Variants in OPA1 observed in about 807,000 individuals in gnomAD.
The protein encoded by OPA1 is dynamin-like GTPase OPA1, mitochondrial.
OPA1 carries 59 observed loss-of-function variants against 152.9 expected under a neutral mutation model. The ratio of observed to expected loss-of-function variants is 0.39; its 90% CI spans 0.31 to 0.48. OPA1 has a LOEUF of 0.48. Ranked by LOEUF, OPA1 falls within the 20% of genes least tolerant of loss-of-function variation. The pLI, the probability that OPA1 is intolerant of heterozygous loss-of-function variation, is 0.96. For missense variants in OPA1, 1,008 were observed against 1,216.8 expected (o/e 0.83, Z 2.55); for synonymous variants, 400 against 389.9 (o/e 1.03, Z -0.31).
At chr3:193,635,671 A>T in intron 9 of OPA1, 149 bp downstream of exon 9, 1 of 620,956 alleles carries the variant, frequency 1.6e-6, no homozygotes, top group South Asian at 1.9e-5. Context: ...CTCTTCCTAT[A>T]TTAAGACATT....
chr3:193,593,303 G>A lies in OPA1; in HGVS notation c.-75G>A. On this transcript the variant is annotated 5_prime_UTR_variant, in exon 1 of 31. Coordinates refer to ENST00000361510, the MANE Select transcript of OPA1 (RefSeq NM_130837.3). ...CCACTTCCTGGGTCATTCCTGGACC[G>A]GGAGCCGGGCTGGGGCTCACACGGG... 1 of 1,470,452 alleles carries A rather than the reference G, an allele frequency of 6.8e-7. No homozygotes were observed. Among genetic ancestry groups the A allele is most frequent in the African/African-American group, 1.4e-5 (1 of 70,464 alleles). 91.1% of individuals were successfully genotyped at this position (1,470,452 alleles called of 1,614,324 possible). A position where few individuals can be genotyped will look rare whatever the true frequency, so the allele number is the denominator to read the frequency against.
intron 6 of OPA1, among the ~76,000 whole-genome samples, chr3:193,622,714 C>G (rs879287499): frequency 6.6e-6 from 1 of 152,188 alleles, no homozygotes; most frequent in Non-Finnish European, 1.5e-5. Flanking sequence ...ATATGAAACA[C>G]TATTTACTTT....
chr3:193,663,244 G>A (rs558684955), intron 26 of OPA1, among the ~76,000 whole-genome samples: 191 of 152,186 alleles, frequency 1.3e-3, no homozygotes, highest in African/African-American at 4.4e-3. Flanking sequence ...GGATGAAACC[G>A]ACCTAGACCT....
At chr3:193,684,512 A>G (rs1291638258) in intron 29 of OPA1, among the ~76,000 whole-genome samples, 6 of 139,056 alleles carry the variant, frequency 4.3e-5, no homozygotes, top group Non-Finnish European at 9.0e-5. Context: ...GTGCAGTGGC[A>G]TGATCTTGGC....
chr3:193,593,586 C>T (rs1353558656), intron 1 of OPA1, among the ~76,000 whole-genome samples, 177 bp downstream of exon 1: 1 of 152,214 alleles, frequency 6.6e-6, no homozygotes. Flanking sequence ...GGCTTACGTT[C>T]GGAGCCGGCT....
At chr3:193,631,836 C>G in intron 8 of OPA1, 171 bp downstream of exon 8, 2 of 649,436 alleles carry the variant, frequency 3.1e-6, no homozygotes, top group Non-Finnish European at 5.5e-6. Flanking sequence ...GGAATAAAGA[C>G]AGAACTAGAT....
chr3:193,621,426 G>T (rs1226639310), intron 6 of OPA1, among the ~76,000 whole-genome samples: 1 of 152,166 alleles, frequency 6.6e-6, no homozygotes, highest in Non-Finnish European at 1.5e-5. Context: ...GGAGTTTTAG[G>T]TGTCCTGGAA....
intron 8 of OPA1, among the ~76,000 whole-genome samples, chr3:193,634,133 A>G (rs886204354): frequency 6.6e-5 from 10 of 152,104 alleles, no homozygotes; most frequent in African/African-American, 2.4e-4. Flanking sequence ...TAAGTTGGAC[A>G]TAAACATTCT....
chr3:193,657,412 A>C (rs1714124688), intron 23 of OPA1, among the ~76,000 whole-genome samples, 180 bp downstream of exon 23: 1 of 152,136 alleles, frequency 6.6e-6, no homozygotes, highest in Non-Finnish European at 1.5e-5. Context: ...TTCTAAAATC[A>C]CCTGTTGCTG....
chr3:193,642,978 G>A lies in OPA1; in HGVS notation c.1234G>A (p.Ala412Thr), dbSNP rs190223702. 11 of 1,613,322 alleles carry A rather than the reference G, an allele frequency of 6.8e-6. No homozygotes were observed. The East Asian group carries it at 2.0e-4, about 29-fold the overall frequency. Residue 412 changes from alanine to threonine, a missense_variant, in exon 13 of 31, where the codon GCA (alanine) becomes ACA (threonine). By Grantham distance (58) the Ala-to-Thr change is moderately conservative (BLOSUM62 0). Around this residue, in one of 7 missense-constraint regions of OPA1, gnomAD observed 213 missense variants for 291.4 expected, o/e 0.73. Coordinates refer to ENST00000361510, the MANE Select transcript of OPA1 (RefSeq NM_130837.3). ...EFDLTKEEDL[A>T]ALRHEIELRM... ...AGGATTTTGTGTTTTCCATTAGCTT[G>A]CAGCATTAAGACATGAAATAGAACT...
intron 11 of OPA1, among the ~76,000 whole-genome samples, chr3:193,638,768 C>A (rs1733317048): frequency 6.6e-6 from 1 of 152,130 alleles, no homozygotes; most frequent in Admixed American, 6.5e-5. Flanking sequence ...TTGAAAATTA[C>A]TATATTTTGT....
In OPA1 at chr3:193,667,436, C is replaced by T. The variant is rs112419254; in HGVS notation, c.2983+156C>T. On this transcript the variant is annotated intron_variant, in intron 29 of 30. Coordinates refer to ENST00000361510, the MANE Select transcript of OPA1 (RefSeq NM_130837.3). ...TTGTAATCCCAGCACTTTGGGAGGC[C>T]AAGATGGGTGGAAAACAAGGTCAGA... 16 of 675,244 alleles carry T rather than the reference C, an allele frequency of 2.4e-5. 1 individual carries two copies. Among genetic ancestry groups the T allele is most frequent in the African/African-American group, 2.1e-4 (12 of 56,290 alleles). The allele number at this position is 675,244 out of a possible 1,614,324, so 41.8% of individuals were successfully genotyped here. A position where few individuals can be genotyped will look rare whatever the true frequency, so the allele number is the denominator to read the frequency against.
chr3:193,642,625 T>TCA, intron 11 of OPA1, 140 bp from the exon 12 acceptor site: 1 of 690,146 alleles, frequency 1.4e-6, no homozygotes, highest in South Asian at 1.6e-5. Flanking sequence ...GTTGACAGCT[T>TCA]CAGGGGGTGC....
rs570972720 is a variant in OPA1 at position 193,644,197 on chromosome 3, C to A, written c.1608+92C>A. On this transcript the variant is annotated intron_variant, in intron 16 of 30. Transcript: ENST00000361510. ...TTATTTAAAAAAACAACAACAACAA[C>A]AAAAAAACACCTTACAACTAAGATT... 2.7e-4 allele frequency: 364 copies of A among 1,364,108 alleles called. No individual in the cohort carries two copies. In the African/African-American group the frequency reaches 3.1e-3, roughly 12 times the overall value. 84.5% of individuals were successfully genotyped at this position (1,364,108 alleles called of 1,614,324 possible).
chr3:193,601,224 C>G (rs567634679), intron 1 of OPA1, among the ~76,000 whole-genome samples: 1 of 152,046 alleles, frequency 6.6e-6, no homozygotes, highest in African/African-American at 2.4e-5. Context: ...AGTGAGCCCC[C>G]AGGAACCCCA....
At chr3:193,644,316 A>T (rs971986775) in intron 16 of OPA1, among the ~76,000 whole-genome samples, 1 of 152,310 alleles carries the variant, frequency 6.6e-6, no homozygotes, top group Middle Eastern at 3.4e-3. Flanking sequence ...CCACTAGTTC[A>T]TTCCCAGTAG....
chr3:193,609,552 TTC>T (rs1727852953), intron 1 of OPA1, among the ~76,000 whole-genome samples: 2 of 152,170 alleles, frequency 1.3e-5, no homozygotes, highest in Non-Finnish European at 2.9e-5. Flanking sequence ...CTTTGTGGCA[TTC>T]TCTGTGTTTC....
At position 193,593,358 on chromosome 3, in the gene OPA1, G is replaced by C; in HGVS notation, c.-20G>C. ...CCCGCGTGGCCGTCTCGGCGCCTGC[G>C]TGACCTCCCCGCCGGCGGGATGTGG... On this transcript the variant is annotated 5_prime_UTR_variant, in exon 1 of 31. Transcript: ENST00000361510. 1.3e-6 allele frequency: 2 copies of C among 1,544,118 alleles called. No individual in the cohort carries two copies. Among genetic ancestry groups the C allele is most frequent in the Non-Finnish European group, 1.7e-6 (2 of 1,143,600 alleles).
intron 6 of OPA1, among the ~76,000 whole-genome samples, chr3:193,625,701 A>G (rs761056878): frequency 2.6e-5 from 4 of 151,918 alleles, no homozygotes; most frequent in South Asian, 2.1e-4. Context: ...TAAGTAAGCT[A>G]TTATGATCTT....
Sources: gnomAD v4.1 joint callset for allele counts (sites outside exome capture counted in the v4.1 genomes callset) on GRCh38, gnomAD v4.1.1 for gene constraint, gnomAD v4.1.1 regional missense constraint, MANE v1.5 for transcripts, NCBI Gene and HGNC (gene_info 2026-07-23, HGNC 2026-07-21) for gene names.